Variants in MRTFB observed in about 807,000 individuals in gnomAD.
MRTFB encodes myocardin-related transcription factor B.
A neutral mutation model predicts 104.2 loss-of-function variants in MRTFB; 29 were observed. The ratio of observed to expected loss-of-function variants is 0.28; its 90% CI spans 0.21 to 0.38. The LOEUF is 0.38. Ranked by LOEUF, MRTFB falls within the 10% of genes least tolerant of loss-of-function variation. MRTFB has a pLI of 1.00. For missense variants in MRTFB, 1,270 were observed against 1,341.6 expected (o/e 0.95, Z 0.83); for synonymous variants, 535 against 519.5 (o/e 1.03, Z -0.41).
chr16:14,202,503 C>G (rs1191641399), intron 3 of MRTFB, among the ~76,000 whole-genome samples: 1 of 152,114 alleles, frequency 6.6e-6, no homozygotes, highest in Admixed American at 6.5e-5. Flanking sequence ...GACTTTCTCC[C>G]CTTTGACTGC....
chr16:14,193,715 G>A (rs915478380), intron 3 of MRTFB: 4 of 152,112 alleles, frequency 2.6e-5, no homozygotes, highest in Middle Eastern at 3.4e-3. Context: ...TTATTTCCTG[G>A]GATAGAATAA....
At chr16:14,139,687 A>T (rs1266452434) in intron 2 of MRTFB, among the ~76,000 whole-genome samples, 1 of 152,242 alleles carries the variant, frequency 6.6e-6, no homozygotes, top group African/African-American at 2.4e-5. Flanking sequence ...GTACGGGAGC[A>T]TTTGTAGCAT....
chr16:14,083,139 AT>A (rs901168501), intron 2 of MRTFB, among the ~76,000 whole-genome samples: 7 of 147,924 alleles, frequency 4.7e-5, no homozygotes, highest in South Asian at 2.1e-4. Context: ...TGTTTTCTTG[AT>A]TTTTTTTTCA....
At chr16:14,010,033 A>C in the MRTFB span, among the ~76,000 whole-genome samples, 1 of 152,092 alleles carries the variant, frequency 6.6e-6, no homozygotes, top group African/African-American at 2.4e-5. Context: ...AATAAAGGAG[A>C]GTGGGAGTTC....
Position 14,178,741 on chromosome 16 carries a change from G to A in MRTFB, c.155-31502G>A, listed in dbSNP as rs1298445171. Among the ~76,000 whole-genome samples the A allele has an allele frequency of 2.0e-5, 3 of 151,574 alleles. No homozygotes were observed. The East Asian group carries it at 5.8e-4, about 29-fold the overall frequency. On this transcript the variant is annotated intron_variant, in intron 3 of 16. Transcript: ENST00000571589. ...TTTCAGTGTATGGGGGGCAGGGGAG[G>A]TTTTTTTTGTTTGTTTTTTTTTCCC...
At chr16:14,023,080 C>T in the MRTFB span, among the ~76,000 whole-genome samples, 94 of 152,168 alleles carry the variant, frequency 6.2e-4, 1 homozygote, top group Admixed American at 5.1e-3. Flanking sequence ...GGTTTCCCCT[C>T]TGCCACCCTC....
At chr16:14,138,732 G>A (rs910607082) in intron 2 of MRTFB, among the ~76,000 whole-genome samples, 21 of 152,014 alleles carry the variant, frequency 1.4e-4, no homozygotes, top group African/African-American at 1.2e-4. Context: ...TTTGCGGCTC[G>A]CTCATTTTTG....
intron 2 of MRTFB, among the ~76,000 whole-genome samples, chr16:14,102,168 A>C (rs1328714331): frequency 6.6e-6 from 1 of 152,126 alleles, no homozygotes; most frequent in East Asian, 1.9e-4. Context: ...AAAAAAAAAA[A>C]AGAAATTGTG....
chr16:14,129,696 A>G (rs1371037349), intron 2 of MRTFB, among the ~76,000 whole-genome samples: 1 of 152,170 alleles, frequency 6.6e-6, no homozygotes, highest in Non-Finnish European at 1.5e-5. Context: ...ATCTTTGCCA[A>G]CACTTGCTTT....
rs75431634 is a variant in MRTFB, at chr16:14,222,581, T to A, written c.693+3583T>A. On this transcript the variant is annotated intron_variant, in intron 8 of 16. Coordinates refer to ENST00000571589, the MANE Select transcript of MRTFB (RefSeq NM_001308142.2). Reference sequence around the variant, plus strand: ...TAATTTCCCTGTTTAGGTTTTTTTTTTTATTATTATTATTCCTGACTGAGG... The same window carrying A: ...TAATTTCCCTGTTTAGGTTTTTTTTATTATTATTATTATTCCTGACTGAGG... 1.1e-3 allele frequency among the ~76,000 whole-genome samples: 168 copies of A among 151,566 alleles called. 1 individual carries two copies. Among genetic ancestry groups the A allele is most frequent in the African/African-American group, 3.8e-3 (156 of 41,386 alleles).
In MRTFB at chr16:14,129,339, C is replaced by T. The variant is rs146553319; in HGVS notation, c.-63-11205C>T. On this transcript the variant is annotated intron_variant, in intron 2 of 16. Transcript: ENST00000571589. ...TTTTTTTGGTAAATTTAGAGTTGTA[C>T]AGTCATCACTTTTGAGTCTTAAAAT... Among the ~76,000 whole-genome samples, 22 of 152,272 alleles carry T rather than the reference C, an allele frequency of 1.4e-4. No individual in the cohort carries two copies. In the East Asian group the frequency reaches 3.3e-3, roughly 23 times the overall value.
the MRTFB span, among the ~76,000 whole-genome samples, chr16:14,017,743 G>T: frequency 2.2e-5 from 2 of 92,298 alleles, no homozygotes; most frequent in East Asian, 3.4e-4. Context: ...TTGAGACAGG[G>T]TCTCTCTCTT....
chr16:14,082,928 T>G (rs971582577), intron 2 of MRTFB, among the ~76,000 whole-genome samples: 5 of 152,204 alleles, frequency 3.3e-5, no homozygotes, highest in African/African-American at 1.2e-4. Flanking sequence ...AGGATTGCAT[T>G]TAATAAGTAG....
At chr16:14,215,904 A>G (rs757686347) in intron 6 of MRTFB, among the ~76,000 whole-genome samples, 3 of 152,228 alleles carry the variant, frequency 2.0e-5, no homozygotes, top group Non-Finnish European at 4.4e-5. Context: ...CAAATTTCTT[A>G]CAGTTGTTAA....
chr16:14,072,233 C>G (rs755477606), intron 1 of MRTFB, among the ~76,000 whole-genome samples: 1 of 152,164 alleles, frequency 6.6e-6, no homozygotes, highest in Non-Finnish European at 1.5e-5. Context: ...GTATAAAGCC[C>G]TCTTTACTAC....
At position 14,189,397 on chromosome 16, in the gene MRTFB, G is replaced by A. The variant is rs77206523; in HGVS notation, c.155-20846G>A. The stretch of plus-strand genomic sequence containing the variant: ...GCTTTTAAATATTGGGTCCTGCATC[G>A]TTTACATGAATCCATGGAAGTTAAT... On this transcript the variant is annotated intron_variant, in intron 3 of 16. Coordinates refer to ENST00000571589, the MANE Select transcript of MRTFB (RefSeq NM_001308142.2). Among the ~76,000 whole-genome samples the A allele has an allele frequency of 7.1e-3, 1,078 of 152,170 alleles. 72 individuals carry two copies. The East Asian group carries it at 0.14, about 20-fold the overall frequency.
At chr16:14,139,312 T>C (rs1417697816) in intron 2 of MRTFB, among the ~76,000 whole-genome samples, 1 of 152,238 alleles carries the variant, frequency 6.6e-6, no homozygotes, top group Non-Finnish European at 1.5e-5. Context: ...AATTAAAAGA[T>C]GCACAGCATC....
At chr16:14,081,817 G>A (rs2034429720) in intron 2 of MRTFB, among the ~76,000 whole-genome samples, 1 of 145,962 alleles carries the variant, frequency 6.9e-6, no homozygotes, top group African/African-American at 2.5e-5. Context: ...CTGGGCTCAA[G>A]CAGTCCACCC....
At chr16:14,012,500 G>A in the MRTFB span, among the ~76,000 whole-genome samples, 8 of 151,728 alleles carry the variant, frequency 5.3e-5, no homozygotes, top group South Asian at 2.1e-4. Flanking sequence ...GGGTTTCTCC[G>A]TGTTAGCCAG....
Sources: gnomAD v4.1 joint callset for allele counts (sites outside exome capture counted in the v4.1 genomes callset) on GRCh38, gnomAD v4.1.1 for gene constraint, MANE v1.5 for transcripts, NCBI Gene and HGNC (gene_info 2026-07-23, HGNC 2026-07-21) for gene names.